The following ZSWIM2 variants were observed in gnomAD, a reference collection of about 807,000 sequenced individuals.
ZSWIM2 encodes E3 ubiquitin-protein ligase ZSWIM2.
In ZSWIM2, 38 loss-of-function variants were observed where a neutral mutation model predicts 48.4. The observed-to-expected ratio is 0.79, with a 90% CI of 0.61 to 1.03. ZSWIM2 has a LOEUF of 1.03. Among genes scored for constraint, ZSWIM2 ranks in the 50% least tolerant of loss-of-function variants. The pLI is 0.00. For synonymous variants in ZSWIM2, 240 were observed against 251.3 expected (o/e 0.96, Z 0.42); for missense variants, 776 against 730.2 (o/e 1.06, Z -0.72).
At position 186,828,711 on chromosome 2, in the gene ZSWIM2, G is replaced by A. The variant is rs1691643511; in HGVS notation, c.1175C>T (p.Pro392Leu). Reference sequence around the variant, plus strand: ...CACTGCTGAATTTTTCCAAGTTAAAGGGTTATATATAACTTGTCCATCAAT... The same window carrying A: ...CACTGCTGAATTTTTCCAAGTTAAAAGGTTATATATAACTTGTCCATCAAT... The part of the protein sequence containing the change: ...CPIDGQVIYN[P>L]LTWKNSAVNG... The change falls in exon 9 of 9, where the codon CCT becomes CTT. Residue 392 changes from proline to leucine, a missense_variant. Pro to Leu is a moderately conservative substitution (Grantham distance 98). Coordinates refer to ENST00000295131, the MANE Select transcript of ZSWIM2 (RefSeq NM_182521.3). The A allele has an allele frequency of 6.2e-7, 1 of 1,612,182 alleles. No homozygotes were observed. The highest frequency in any genetic ancestry group is 8.5e-7 in the Non-Finnish European group (1 of 1,179,338).
At chr2:186,838,438 T>G (rs1158530539) in intron 4 of ZSWIM2, among the ~76,000 whole-genome samples, 1 of 150,072 alleles carries the variant, frequency 6.7e-6, no homozygotes, top group Non-Finnish European at 1.5e-5. Flanking sequence ...TTTTTGTAAT[T>G]TCAAAGTAAA....
intron 7 of ZSWIM2, among the ~76,000 whole-genome samples, chr2:186,830,342 A>C (rs1003247029): frequency 6.6e-5 from 10 of 152,208 alleles, no homozygotes; most frequent in African/African-American, 2.4e-4. Context: ...AGATCACGGC[A>C]CTGTACTTCA....
chr2:186,848,941 T>C (rs759423236), intron 1 of ZSWIM2, 25 bp downstream of exon 1: 2 of 1,612,642 alleles, frequency 1.2e-6, no homozygotes, highest in Non-Finnish European at 8.5e-7. Flanking sequence ...GATGGCCAAC[T>C]GGGGGCGGTA....
chr2:186,837,592 A>C, intron 4 of ZSWIM2, 38 bp from the exon 5 acceptor site: 1 of 1,520,634 alleles, frequency 6.6e-7, no homozygotes, highest in Non-Finnish European at 8.9e-7. Context: ...ATTTGTATAG[A>C]GCAGTTTTAC....
At chr2:186,845,024 C>G (rs568197309) in intron 2 of ZSWIM2, among the ~76,000 whole-genome samples, 1 of 151,374 alleles carries the variant, frequency 6.6e-6, no homozygotes, top group African/African-American at 2.4e-5. Context: ...GTATTTCTTA[C>G]GACATACAGT....
chr2:186,844,791 T>C (rs371446288), intron 2 of ZSWIM2, 34 bp from the exon 3 acceptor site: 1 of 1,524,572 alleles, frequency 6.6e-7, no homozygotes, highest in Non-Finnish European at 8.8e-7. Context: ...AATCAAGACA[T>C]TTATTTTTGG....
intron 3 of ZSWIM2, among the ~76,000 whole-genome samples, chr2:186,840,714 T>C (rs1382048703): frequency 6.8e-6 from 1 of 146,814 alleles, no homozygotes; most frequent in African/African-American, 2.4e-5. Context: ...CAGAAAAAAC[T>C]CCAAAGGACT....
chr2:186,847,704 T>A lies in ZSWIM2; in HGVS notation c.242+15A>T. On this transcript the variant is annotated intron_variant, in intron 2 of 8. Transcript: ENST00000295131. ...TGTTCCTTCATGGAAGATCTTCATT[T>A]GAAAAGTCACTTACCAGCAGATATG... 4.4e-6 allele frequency: 7 copies of A among 1,583,386 alleles called. No individual in the cohort carries two copies. Among genetic ancestry groups the A allele is most frequent in the Non-Finnish European group, 6.0e-6 (7 of 1,162,330 alleles).
At chr2:186,829,930 AGGAAG>A in intron 7 of ZSWIM2, 50 bp from the exon 8 acceptor site, 2 of 1,595,122 alleles carry the variant, frequency 1.3e-6, no homozygotes, top group Non-Finnish European at 1.7e-6. Flanking sequence ...ATTATAGATC[AGGAAG>A]TGATCAATAG....
intron 2 of ZSWIM2, among the ~76,000 whole-genome samples, chr2:186,847,516 G>T (rs568970750): frequency 6.6e-6 from 1 of 152,078 alleles, no homozygotes; most frequent in Admixed American, 6.5e-5. Context: ...TTATAAAATG[G>T]TTCTCAATTT....
intron 8 of ZSWIM2, among the ~76,000 whole-genome samples, chr2:186,829,097 T>A (rs1485787996): frequency 6.6e-6 from 1 of 152,118 alleles, no homozygotes; most frequent in African/African-American, 2.4e-5. Flanking sequence ...AAAATTATTT[T>A]AAAAGTCATA....
Position 186,828,656 on chromosome 2 carries a change from G to A in ZSWIM2, c.1230C>T (p.Asn410=), listed in dbSNP as rs370203209. The A allele has an allele frequency of 2.5e-6, 4 of 1,613,168 alleles. No individual in the cohort carries two copies. Among genetic ancestry groups the A allele is most frequent in the Middle Eastern group, 1.7e-4 (1 of 6,050 alleles). The change falls in exon 9 of 9, where the codon AAC becomes AAT. Residue 410 remains asparagine (N), a synonymous_variant. Coordinates refer to ENST00000295131, the MANE Select transcript of ZSWIM2 (RefSeq NM_182521.3). ...VNGQAHQSVS[N]RDIIHLSKQK... Reference sequence around the variant, plus strand: ...GCTTTGATAGATGAATGATGTCTCTGTTTGAAACAGACTGATGTGCTTGTC... The same window carrying A: ...GCTTTGATAGATGAATGATGTCTCTATTTGAAACAGACTGATGTGCTTGTC...
Position 186,843,654 on chromosome 2 carries a change from G to A in ZSWIM2, c.283+1063C>T, listed in dbSNP as rs1032247562. Among the ~76,000 whole-genome samples, 4 of 151,566 alleles carry A rather than the reference G, an allele frequency of 2.6e-5. No individual in the cohort carries two copies. The South Asian group carries it at 8.3e-4, about 31-fold the overall frequency. On this transcript the variant is annotated intron_variant, in intron 3 of 8. Coordinates refer to ENST00000295131, the MANE Select transcript of ZSWIM2 (RefSeq NM_182521.3). Reference sequence around the variant, plus strand: ...AAGGAAAGCCAGTATGTGAGGTAGGGAATCTAAGAGGGGAGCACAGATGGA... The same window carrying A: ...AAGGAAAGCCAGTATGTGAGGTAGGAAATCTAAGAGGGGAGCACAGATGGA...
intron 1 of ZSWIM2, 59 bp from the exon 2 acceptor site, chr2:186,847,854 C>T: frequency 1.6e-6 from 2 of 1,264,330 alleles, no homozygotes; most frequent in South Asian, 1.3e-5. Flanking sequence ...TAGAGCAAAA[C>T]TGAGTTAATA....
At chr2:186,847,598 T>C in intron 2 of ZSWIM2, 121 bp downstream of exon 2, 2 of 578,874 alleles carry the variant, frequency 3.5e-6, no homozygotes, top group Non-Finnish European at 5.8e-6. Flanking sequence ...CATTTTAACT[T>C]TATATTCCCC....
intron 3 of ZSWIM2, among the ~76,000 whole-genome samples, chr2:186,842,020 C>G (rs1337526283): frequency 6.6e-6 from 1 of 151,062 alleles, no homozygotes. Context: ...CAAAAATTAA[C>G]ATTTTTCATA....
Position 186,828,600 on chromosome 2 carries a change from G to A in ZSWIM2, c.1286C>T (p.Thr429Ile). The A allele has an allele frequency of 6.2e-7, 1 of 1,612,824 alleles. No individual in the cohort carries two copies. The highest frequency in any genetic ancestry group is 1.1e-5 in the South Asian group (1 of 91,018). ...QKEPDLFIPG[T>I]GLVLKQNRLG... Reference sequence around the variant, plus strand: ...TCTATTTTGTTTTAAGACTAATCCAGTACCAGGAATAAAAAGATCTGGTTC... The same window carrying A: ...TCTATTTTGTTTTAAGACTAATCCAATACCAGGAATAAAAAGATCTGGTTC... The change falls in exon 9 of 9, where the codon ACT (threonine) becomes ATT (isoleucine). Residue 429 changes from threonine to isoleucine, a missense_variant. Physicochemically the swap from Thr to Ile is moderately conservative, Grantham distance 89. Transcript: ENST00000295131.
intron 1 of ZSWIM2, 25 bp downstream of exon 1, chr2:186,848,941 T>G (rs759423236): frequency 1.2e-6 from 2 of 1,612,642 alleles, no homozygotes; most frequent in African/African-American, 2.7e-5. Context: ...GATGGCCAAC[T>G]GGGGGCGGTA....
chr2:186,848,254 A>G (rs968517357), intron 1 of ZSWIM2, among the ~76,000 whole-genome samples: 3 of 152,258 alleles, frequency 2.0e-5, no homozygotes, highest in East Asian at 1.9e-4. Flanking sequence ...TATTAAATAC[A>G]GTAAGTATTG....
Sources: gnomAD v4.1 joint callset for allele counts (sites outside exome capture counted in the v4.1 genomes callset) on GRCh38, gnomAD v4.1.1 for gene constraint, MANE v1.5 for transcripts, NCBI Gene and HGNC (gene_info 2026-07-23, HGNC 2026-07-21) for gene names.